ADAM9: variants seen among roughly 807,000 people sequenced by gnomAD.
ADAM9 encodes disintegrin and metalloproteinase domain-containing protein 9.
In ADAM9, 54 loss-of-function variants were observed where a neutral mutation model predicts 108.1. The ratio of observed to expected loss-of-function variants is 0.50; its 90% CI spans 0.40 to 0.63. The LOEUF is 0.63. Among genes scored for constraint, ADAM9 ranks in the 20% least tolerant of loss-of-function variants. ADAM9 has a pLI of 0.00. For synonymous variants in ADAM9, 316 were observed against 336.0 expected (o/e 0.94, Z 0.65); for missense variants, 830 against 997.7 (o/e 0.83, Z 2.26).
intron 15 of ADAM9, among the ~76,000 whole-genome samples, chr8:39,071,845 A>G (rs565216071): frequency 8.5e-5 from 13 of 152,294 alleles, no homozygotes; most frequent in South Asian, 8.3e-4. Flanking sequence ...AACATTTTAC[A>G]ATGCAAAGCT....
chr8:39,072,941 G>C (rs1424919304), intron 15 of ADAM9, among the ~76,000 whole-genome samples: 1 of 152,108 alleles, frequency 6.6e-6, no homozygotes, highest in Non-Finnish European at 1.5e-5. Flanking sequence ...CTGGTTATCT[G>C]TTTGGTTTTG....
chr8:39,072,886 G>A (rs1204679116), intron 15 of ADAM9, among the ~76,000 whole-genome samples: 1 of 152,150 alleles, frequency 6.6e-6, no homozygotes, highest in Non-Finnish European at 1.5e-5. Flanking sequence ...TTTGACTCGT[G>A]TTATTGAAAG....
chr8:39,091,642 A>G (rs894807328), intron 20 of ADAM9, among the ~76,000 whole-genome samples: 1 of 152,108 alleles, frequency 6.6e-6, no homozygotes, highest in African/African-American at 2.4e-5. Context: ...GTGTACCACC[A>G]CGCCTGGCTA....
At chr8:39,101,017 T>C (rs1388820816) in intron 20 of ADAM9, among the ~76,000 whole-genome samples, 1 of 152,230 alleles carries the variant, frequency 6.6e-6, no homozygotes, top group Non-Finnish European at 1.5e-5. Context: ...GTTTTTATAG[T>C]ATTAGTTAGA....
intron 15 of ADAM9, chr8:39,075,974 G>A (rs977289120): frequency 3.3e-5 from 5 of 152,170 alleles, no homozygotes; most frequent in African/African-American, 1.2e-4. Flanking sequence ...TTAAATGCAG[G>A]ATGAAGGGAA....
chr8:39,026,551 C>G (rs1484052879), intron 10 of ADAM9, 126 bp from the exon 11 acceptor site: 1 of 1,189,132 alleles, frequency 8.4e-7, no homozygotes, highest in African/African-American at 1.5e-5. Context: ...TTGTTGGATG[C>G]TTGATTTATC....
chr8:39,067,923 A>G (rs1416100127), intron 14 of ADAM9, among the ~76,000 whole-genome samples: 1 of 152,184 alleles, frequency 6.6e-6, no homozygotes, highest in East Asian at 1.9e-4. Context: ...TGTCCCATCA[A>G]TACCTAATGT....
In ADAM9 at chr8:39,088,631, G is replaced by A. The variant is rs368166450; in HGVS notation, c.2069-1416G>A. Among the ~76,000 whole-genome samples, 250 of 152,110 alleles carry A rather than the reference G, an allele frequency of 1.6e-3. 3 individuals carry two copies. The Middle Eastern group carries it at 0.024, about 14-fold the overall frequency. ...AATTATGAATCAGTTTACCACTCCCGTTTATATCTACTATATTGTTTCTCA... is the reference window on the plus strand; with the variant it reads ...AATTATGAATCAGTTTACCACTCCCATTTATATCTACTATATTGTTTCTCA... On this transcript the variant is annotated intron_variant, in intron 18 of 21. Coordinates refer to ENST00000487273, the MANE Select transcript of ADAM9 (RefSeq NM_003816.3).
Position 39,082,723 on chromosome 8 carries a change from T to A in ADAM9, c.1962+2T>A. ...CAGAAAAAGTGTCATGGACATGGGGTAGGTAATGTTTTCTTTTGGCTTGTT... is the reference window on the plus strand; with the variant it reads ...CAGAAAAAGTGTCATGGACATGGGGAAGGTAATGTTTTCTTTTGGCTTGTT... On this transcript the variant is annotated splice_donor_variant, in intron 17 of 21. Coordinates refer to ENST00000487273, the MANE Select transcript of ADAM9 (RefSeq NM_003816.3). LOFTEE classifies it high-confidence loss of function. 6.2e-7 allele frequency: 1 copy of A among 1,611,584 alleles called. No homozygotes were observed. Among genetic ancestry groups the A allele is most frequent in the Non-Finnish European group, 8.5e-7 (1 of 1,178,264 alleles).
chr8:39,041,010 G>A (rs917141388), intron 11 of ADAM9, among the ~76,000 whole-genome samples: 1 of 152,116 alleles, frequency 6.6e-6, no homozygotes, highest in African/African-American at 2.4e-5. Context: ...AGAAGAAAAC[G>A]TTGAGGAAAA....
At chr8:39,025,263 G>A (rs564390185) in intron 9 of ADAM9, among the ~76,000 whole-genome samples, 8 of 152,034 alleles carry the variant, frequency 5.3e-5, no homozygotes, top group South Asian at 2.1e-4. Context: ...GCTAATTTTC[G>A]TATTTGTTTT....
intron 1 of ADAM9, among the ~76,000 whole-genome samples, chr8:39,002,430 T>G (rs1325459527): frequency 3.3e-5 from 5 of 150,466 alleles, no homozygotes; most frequent in African/African-American, 1.2e-4. Flanking sequence ...GTGATTCTTC[T>G]GCCTCAGCCT....
chr8:39,062,325 T>C (rs1015339180), intron 14 of ADAM9, among the ~76,000 whole-genome samples: 2 of 152,230 alleles, frequency 1.3e-5, no homozygotes, highest in African/African-American at 2.4e-5. Context: ...TGAGAGTTTC[T>C]GTTTCTGTAA....
chr8:39,062,053 G>T (rs1391240233), intron 14 of ADAM9, among the ~76,000 whole-genome samples: 1 of 152,022 alleles, frequency 6.6e-6, no homozygotes, highest in Non-Finnish European at 1.5e-5. Context: ...CATCATAAGG[G>T]TCCCATCCTC....
intron 20 of ADAM9, among the ~76,000 whole-genome samples, chr8:39,094,362 A>G (rs1193432384): frequency 6.6e-6 from 1 of 152,156 alleles, no homozygotes; most frequent in Admixed American, 6.5e-5. Flanking sequence ...TGTGTTCATA[A>G]AGGATATTGG....
At chr8:39,061,996 G>A (rs1240496811) in intron 14 of ADAM9, among the ~76,000 whole-genome samples, 2 of 152,140 alleles carry the variant, frequency 1.3e-5, no homozygotes, top group Non-Finnish European at 2.9e-5. Flanking sequence ...AGTCAATTTG[G>A]TTCTTGGTGA....
intron 20 of ADAM9, among the ~76,000 whole-genome samples, chr8:39,098,111 C>CT (rs1363447322): frequency 8.7e-5 from 13 of 149,024 alleles, no homozygotes; most frequent in African/African-American, 9.8e-5. Flanking sequence ...TGGCTGACAG[C>CT]TTTTTTTTTT....
chr8:39,105,045 CATT>C lies in ADAM9; in HGVS notation c.*1347_*1349del, dbSNP rs1264196724. On this transcript the variant is annotated 3_prime_UTR_variant, in exon 22 of 22. Coordinates refer to ENST00000487273, the MANE Select transcript of ADAM9 (RefSeq NM_003816.3). Reference sequence around the variant, plus strand: ...CTTCCTACTCAACTATTTATAATCTCATTAATTAAAAAGTTATAATTTTAGATA... The same window carrying C: ...CTTCCTACTCAACTATTTATAATCTCAATTAAAAAGTTATAATTTTAGATA... 2 of 408,656 alleles carry C rather than the reference CATT, an allele frequency of 4.9e-6. No homozygotes were observed. The highest frequency in any genetic ancestry group is 2.1e-5 in the African/African-American group (1 of 47,488). The allele number at this position is 408,656 out of a possible 1,614,324, so 25.3% of individuals were successfully genotyped here.
Position 39,013,983 on chromosome 8 carries a change from T to G in ADAM9, c.273T>G (p.Asp91Glu). ...CTTCCAGAGACCTTTTGCCTGAAGATTTTGTGGTTTATACTTACAACAAGG... is the reference window on the plus strand; with the variant it reads ...CTTCCAGAGACCTTTTGCCTGAAGAGTTTGTGGTTTATACTTACAACAAGG... ...LERNKDLLPEDFVVYTYNKEG... is the reference protein window; with the variant it reads ...LERNKDLLPEEFVVYTYNKEG... Residue 91 changes from aspartate to glutamate, a missense_variant, in exon 4 of 22, where the codon GAT becomes GAG. Physicochemically the swap from Asp to Glu is conservative, Grantham distance 45. Coordinates refer to ENST00000487273, the MANE Select transcript of ADAM9 (RefSeq NM_003816.3). The G allele has an allele frequency of 6.2e-7, 1 of 1,613,566 alleles. No homozygotes were observed.
Sources: gnomAD v4.1 joint callset for allele counts (sites outside exome capture counted in the v4.1 genomes callset) on GRCh38, gnomAD v4.1.1 for gene constraint, MANE v1.5 for transcripts, NCBI Gene and HGNC (gene_info 2026-07-23, HGNC 2026-07-21) for gene names.